Variants in EXOC6 observed in about 807,000 individuals in gnomAD.
The protein encoded by EXOC6 is SEC15-like 1.
In EXOC6, 60 loss-of-function variants were observed where a neutral mutation model predicts 112.5. The ratio of observed to expected loss-of-function variants is 0.53; its 90% CI spans 0.43 to 0.66. The LOEUF (loss-of-function observed/expected upper bound fraction) is 0.66, where lower values mean the gene tolerates loss of function less well. Ranked by LOEUF, EXOC6 falls within the 30% of genes least tolerant of loss-of-function variation. The pLI, the probability that EXOC6 is intolerant of heterozygous loss-of-function variation, is 0.00. For missense variants in EXOC6, 855 were observed against 957.1 expected (o/e 0.89, Z 1.41); for synonymous variants, 295 against 308.0 (o/e 0.96, Z 0.44).
chr10:93,028,651 A>G (rs1845128683), intron 20 of EXOC6, among the ~76,000 whole-genome samples: 1 of 152,134 alleles, frequency 6.6e-6, no homozygotes, highest in Non-Finnish European at 1.5e-5. Flanking sequence ...CCTGACCAAC[A>G]TGGAGAAACC....
chr10:92,862,398 G>A (rs1847952455), intron 1 of EXOC6, among the ~76,000 whole-genome samples: 1 of 152,004 alleles, frequency 6.6e-6, no homozygotes, highest in Admixed American at 6.5e-5. Context: ...AGGTCATTTG[G>A]GTGGTAGTTA....
At chr10:93,039,108 A>G (rs1845651558) in intron 20 of EXOC6, among the ~76,000 whole-genome samples, 1 of 152,184 alleles carries the variant, frequency 6.6e-6, no homozygotes, top group South Asian at 2.1e-4. Flanking sequence ...TGACCTCTTC[A>G]GAGCCAAGTG....
chr10:92,882,053 C>T (rs1169949729), intron 1 of EXOC6, among the ~76,000 whole-genome samples: 1 of 152,088 alleles, frequency 6.6e-6, no homozygotes, highest in Non-Finnish European at 1.5e-5. Flanking sequence ...CTAACACAAT[C>T]AGAGAATGTT....
rs962249094 is a variant in EXOC6, at chr10:92,987,671, G to A, written c.1954-9803G>A. 9.3e-6 allele frequency: 9 copies of A among 964,078 alleles called. No individual in the cohort carries two copies. In the African/African-American group the frequency reaches 1.4e-4, roughly 15 times the overall value. The allele number at this position is 964,078 out of a possible 1,614,324, so 59.7% of individuals were successfully genotyped here. On this transcript the variant is annotated intron_variant, in intron 18 of 21. Coordinates refer to ENST00000260762, the MANE Select transcript of EXOC6 (RefSeq NM_019053.6). ...AGTAGATATAAACTAAAGCTAGCAT[G>A]TACATTAGAAAATAATGAATTTCCT...
At chr10:92,879,289 G>A (rs781501255) in intron 1 of EXOC6, among the ~76,000 whole-genome samples, 26 of 152,282 alleles carry the variant, frequency 1.7e-4, no homozygotes, top group Non-Finnish European at 3.1e-4. Context: ...GCAACGTAGG[G>A]AGACTGTGTC....
At chr10:93,016,353 C>G (rs1844513109) in intron 20 of EXOC6, among the ~76,000 whole-genome samples, 1 of 151,672 alleles carries the variant, frequency 6.6e-6, no homozygotes. Flanking sequence ...GTTCACCAGG[C>G]TGGTCTCGAA....
Position 92,936,002 on chromosome 10 carries a change from T to A in EXOC6, c.1212+117T>A, listed in dbSNP as rs146635558. On this transcript the variant is annotated intron_variant, in intron 12 of 21. Transcript: ENST00000260762. ...GGCAGTAAATTAGTAGTAATAAATG[T>A]TTACCTACATATTGATATTCTGCTA... 1,375 of 622,584 alleles carry A rather than the reference T, an allele frequency of 2.2e-3. 10 individuals are homozygous for A. Among genetic ancestry groups the A allele is most frequent in the African/African-American group, 0.016 (858 of 52,054 alleles). The allele number at this position is 622,584 out of a possible 1,614,324, so 38.6% of individuals were successfully genotyped here. A position where few individuals can be genotyped will look rare whatever the true frequency, so the allele number is the denominator to read the frequency against.
intron 1 of EXOC6, among the ~76,000 whole-genome samples, chr10:92,855,968 G>A (rs555568415): frequency 2.2e-4 from 34 of 152,158 alleles, no homozygotes; most frequent in African/African-American, 8.2e-4. Context: ...GGGTTCAAGC[G>A]ATTCTCCTGT....
intron 19 of EXOC6, 55 bp downstream of exon 19, chr10:92,997,670 A>C (rs894983383): frequency 2.0e-6 from 3 of 1,464,160 alleles, no homozygotes; most frequent in Non-Finnish European, 2.8e-6. Flanking sequence ...TGCTTAAATT[A>C]TATGAAAAAA....
At chr10:93,057,178 A>G in intron 21 of EXOC6, 142 bp downstream of exon 21, 2 of 487,882 alleles carry the variant, frequency 4.1e-6, no homozygotes, top group East Asian at 7.0e-5. Flanking sequence ...ACCAAAAAAT[A>G]AGCTTTTCTT....
At chr10:92,986,138 C>T (rs892480879) in intron 18 of EXOC6, among the ~76,000 whole-genome samples, 4 of 152,090 alleles carry the variant, frequency 2.6e-5, no homozygotes, top group African/African-American at 9.7e-5. Context: ...CATCCTGTGA[C>T]ATACATGGTA....
chr10:92,951,883 G>A (rs1219571178), intron 14 of EXOC6, among the ~76,000 whole-genome samples: 1 of 152,178 alleles, frequency 6.6e-6, no homozygotes, highest in Non-Finnish European at 1.5e-5. Flanking sequence ...ATTATTTAAT[G>A]ACTCTGAGCC....
intron 18 of EXOC6, among the ~76,000 whole-genome samples, chr10:92,981,481 A>G (rs913891847): frequency 1.3e-5 from 2 of 152,238 alleles, no homozygotes; most frequent in East Asian, 3.8e-4. Flanking sequence ...ATGTCTTCAC[A>G]TGTGTTTATC....
At chr10:92,956,456 A>T (rs1853698638) in intron 17 of EXOC6, among the ~76,000 whole-genome samples, 1 of 152,172 alleles carries the variant, frequency 6.6e-6, no homozygotes, top group African/African-American at 2.4e-5. Flanking sequence ...TATATTATCA[A>T]TCACCCCCAA....
intron 1 of EXOC6, among the ~76,000 whole-genome samples, chr10:92,876,688 TTACAG>T (rs1243142770): frequency 6.6e-6 from 1 of 152,162 alleles, no homozygotes; most frequent in African/African-American, 2.4e-5. Flanking sequence ...TGGAAAGAAC[TTACAG>T]TAAAGTGATG....
intron 19 of EXOC6, among the ~76,000 whole-genome samples, chr10:93,004,856 AAC>A (rs1250714431): frequency 6.6e-6 from 1 of 152,204 alleles, no homozygotes; most frequent in East Asian, 1.9e-4. Flanking sequence ...CAAACCCTTC[AAC>A]CATCAAGAGG....
intron 20 of EXOC6, among the ~76,000 whole-genome samples, chr10:93,039,518 C>T (rs1203682367): frequency 6.6e-6 from 1 of 152,206 alleles, no homozygotes; most frequent in Non-Finnish European, 1.5e-5. Context: ...TCTGGACATT[C>T]ACCCCATCCA....
intron 1 of EXOC6, among the ~76,000 whole-genome samples, chr10:92,851,790 G>A (rs1051017084): frequency 6.6e-6 from 1 of 152,048 alleles, no homozygotes; most frequent in African/African-American, 2.4e-5. Flanking sequence ...TTATGAATAG[G>A]CTGAGTGCAG....
exon 1 of EXOC6, chr10:92,834,810 T>C: frequency 6.2e-7 from 1 of 1,606,716 alleles, no homozygotes; most frequent in East Asian, 2.2e-5. Context: ...AACTGCCTGT[T>C]GAAGCTACTT....
Sources: gnomAD v4.1 joint callset for allele counts (sites outside exome capture counted in the v4.1 genomes callset) on GRCh38, gnomAD v4.1.1 for gene constraint, MANE v1.5 for transcripts, NCBI Gene and HGNC (gene_info 2026-07-23, HGNC 2026-07-21) for gene names.